The following PALLD variants were observed in gnomAD, a reference collection of about 807,000 sequenced individuals.
PALLD encodes the protein palladin, cytoskeletal associated protein, also known as palladin.
Under a neutral mutation model 123.5 loss-of-function variants are expected in PALLD, and 61 were observed. The observed-to-expected ratio is 0.49, with a 90% CI of 0.40 to 0.61. The LOEUF is 0.61. Ranked by LOEUF, PALLD falls within the 20% of genes least tolerant of loss-of-function variation. The probability of loss-of-function intolerance (pLI) is 0.00; values close to 1 mark genes in which losing one functional copy is unlikely to be tolerated. For synonymous variants in PALLD, 465 were observed against 496.4 expected, an observed-to-expected ratio of 0.94 and a Z score of 0.84; for missense variants, 1,273 against 1,377.0, an observed-to-expected ratio of 0.92 and a Z score of 1.20.
chr4:168,642,517 T>G (rs970480422), intron 2 of PALLD, among the ~76,000 whole-genome samples: 4 of 152,354 alleles, frequency 2.6e-5, no homozygotes, highest in Admixed American at 2.0e-4. Context: ...TCCTCCTGCC[T>G]CAGCCTCCCG....
At chr4:168,586,882 G>T (rs958601628) in intron 2 of PALLD, among the ~76,000 whole-genome samples, 1 of 151,986 alleles carries the variant, frequency 6.6e-6, no homozygotes, top group African/African-American at 2.4e-5. Flanking sequence ...AAAATCGAAC[G>T]TTCCCTCAGG....
intron 8 of PALLD, among the ~76,000 whole-genome samples, chr4:168,701,618 T>C (rs1218731607): frequency 6.6e-6 from 1 of 152,218 alleles, no homozygotes; most frequent in African/African-American, 2.4e-5. Context: ...ATCCTGTTTT[T>C]AAATGTAGGT....
intron 10 of PALLD, among the ~76,000 whole-genome samples, chr4:168,815,929 T>G (rs543010640): frequency 6.6e-6 from 1 of 152,296 alleles, no homozygotes; most frequent in Admixed American, 6.5e-5. Context: ...CACTCTTAAT[T>G]TTTCAGTTGA....
In PALLD at chr4:168,793,352, T is replaced by TACATATATGTGTGCATATATATC. The variant is rs1561529864; in HGVS notation, c.1964+81438_1964+81460dup. Among the ~76,000 whole-genome samples, 13 of 78,880 alleles carry TACATATATGTGTGCATATATATC rather than the reference T, an allele frequency of 1.6e-4. 4 individuals carry two copies. Among genetic ancestry groups the TACATATATGTGTGCATATATATC allele is most frequent in the African/African-American group, 6.1e-4 (13 of 21,256 alleles). The allele number at this position is 78,880 out of a possible 152,430, so 51.7% of individuals were successfully genotyped here. ...ATACATATATATGTGTGCATATATA[T>TACATATATGTGTGCATATATATC]ACATATATGTGTGCATATATATCAC... On this transcript the variant is annotated intron_variant, in intron 10 of 21. Coordinates refer to ENST00000505667, the MANE Select transcript of PALLD (RefSeq NM_001166108.2).
At chr4:168,542,020 G>A (rs113035593) in intron 2 of PALLD, among the ~76,000 whole-genome samples, 14 of 152,208 alleles carry the variant, frequency 9.2e-5, no homozygotes, top group African/African-American at 3.1e-4. Context: ...TAACATTTGC[G>A]TTATCACTAT....
At chr4:168,498,842 T>A (rs1193054748) in intron 1 of PALLD, among the ~76,000 whole-genome samples, 2 of 152,050 alleles carry the variant, frequency 1.3e-5, no homozygotes, top group African/African-American at 2.4e-5. Flanking sequence ...ATCTAAATAT[T>A]TGCAATGGAC....
chr4:168,767,043 T>C (rs1428775682), intron 10 of PALLD, among the ~76,000 whole-genome samples: 1 of 152,114 alleles, frequency 6.6e-6, no homozygotes, highest in African/African-American at 2.4e-5. Context: ...CTCCTGACAG[T>C]CCTCTTCCAG....
intron 6 of PALLD, among the ~76,000 whole-genome samples, chr4:168,687,511 GAC>G (rs1432776824): frequency 6.6e-6 from 1 of 152,220 alleles, no homozygotes; most frequent in Non-Finnish European, 1.5e-5. Flanking sequence ...TGGTATCCAA[GAC>G]ACAGTTGATT....
intron 10 of PALLD, among the ~76,000 whole-genome samples, chr4:168,806,786 T>C (rs1740265297): frequency 6.6e-6 from 1 of 152,264 alleles, no homozygotes; most frequent in East Asian, 1.9e-4. Flanking sequence ...ATTTGCAGAG[T>C]ACTTTTTAAA....
intron 2 of PALLD, among the ~76,000 whole-genome samples, chr4:168,526,495 C>A (rs1199959613): frequency 6.6e-6 from 1 of 151,734 alleles, no homozygotes; most frequent in Non-Finnish European, 1.5e-5. Flanking sequence ...ATCCACATTG[C>A]AAATCAGTCC....
intron 10 of PALLD, among the ~76,000 whole-genome samples, chr4:168,800,341 T>G (rs1001220631): frequency 1.3e-5 from 2 of 152,168 alleles, no homozygotes; most frequent in Non-Finnish European, 2.9e-5. Context: ...TATTTGCAAC[T>G]TATGTAGACA....
intron 2 of PALLD, among the ~76,000 whole-genome samples, chr4:168,656,839 T>C (rs7670013): frequency 0.25 from 38,599 of 152,126 alleles, 5,163 homozygotes; most frequent in African/African-American, 0.32. Flanking sequence ...TTAATTCCTG[T>C]GTAAGAAAAT....
intron 10 of PALLD, among the ~76,000 whole-genome samples, chr4:168,875,167 A>ATACT (rs1751577055): frequency 1.3e-5 from 2 of 152,064 alleles, no homozygotes; most frequent in African/African-American, 4.8e-5. Context: ...TATTTCCAAA[A>ATACT]AGTTCAGTTT....
At chr4:168,533,635 G>A (rs1764816518) in intron 2 of PALLD, among the ~76,000 whole-genome samples, 1 of 152,160 alleles carries the variant, frequency 6.6e-6, no homozygotes, top group South Asian at 2.1e-4. Context: ...CATATAAAGG[G>A]TCTGGCCTGT....
Position 168,890,412 on chromosome 4 carries a change from A to G in PALLD, c.1965-510A>G, listed in dbSNP as rs1271950015. On this transcript the variant is annotated intron_variant, in intron 10 of 21. Coordinates refer to ENST00000505667, the MANE Select transcript of PALLD (RefSeq NM_001166108.2). ...TGGAAGGGAAGGTAACAAACTTAAT[A>G]TTGATTTCAAATGGGCTAGGCACTA... 2.6e-5 allele frequency among the ~76,000 whole-genome samples: 4 copies of G among 152,320 alleles called. No individual in the cohort carries two copies. The Middle Eastern group carries it at 0.01, about 389-fold the overall frequency.
At chr4:168,559,968 T>A (rs746677201) in intron 2 of PALLD, among the ~76,000 whole-genome samples, 39 of 152,004 alleles carry the variant, frequency 2.6e-4, no homozygotes, top group Non-Finnish European at 5.1e-4. Context: ...AACCAGTGAA[T>A]TTTACCTGGC....
At chr4:168,761,641 GTTTGTT>G (rs1732859547) in intron 10 of PALLD, among the ~76,000 whole-genome samples, 1 of 11,650 alleles carries the variant, frequency 8.6e-5, no homozygotes, top group Non-Finnish European at 2.1e-4. Flanking sequence ...TGTTGTTGTT[GTTTGTT>G]TTTTTTTTTT....
At chr4:168,651,773 T>TA (rs1409504676) in intron 2 of PALLD, among the ~76,000 whole-genome samples, 1 of 151,886 alleles carries the variant, frequency 6.6e-6, no homozygotes, top group Non-Finnish European at 1.5e-5. Flanking sequence ...GACATGAGAG[T>TA]AAAGAAGAAA....
chr4:168,556,933 C>A (rs1208059492), intron 2 of PALLD, among the ~76,000 whole-genome samples: 2 of 152,194 alleles, frequency 1.3e-5, no homozygotes, highest in Admixed American at 6.5e-5. Context: ...CAGCTCCCTG[C>A]ACAGATTAGA....
Sources: gnomAD v4.1 joint callset for allele counts (sites outside exome capture counted in the v4.1 genomes callset) on GRCh38, gnomAD v4.1.1 for gene constraint, MANE v1.5 for transcripts, NCBI Gene and HGNC (gene_info 2026-07-23, HGNC 2026-07-21) for gene names.